Variants in AHI1 observed in about 807,000 individuals in gnomAD.
AHI1 encodes the protein Abelson helper integration site 1, also known as jouberin.
In AHI1, 123 loss-of-function variants were observed where a neutral mutation model predicts 149.3. The observed-to-expected ratio is 0.82, with a 90% CI of 0.71 to 0.96. The LOEUF is 0.96. Among genes scored for constraint, AHI1 ranks in the 40% least tolerant of loss-of-function variants. The pLI is 0.00. For synonymous variants in AHI1, 475 were observed against 459.8 expected (o/e 1.03, Z -0.42); for missense variants, 1,439 against 1,422.7 (o/e 1.01, Z -0.18).
chr6:135,428,781 C>A, intron 18 of AHI1, 22 bp from the exon 19 acceptor site: 1 of 1,581,308 alleles, frequency 6.3e-7, no homozygotes, highest in Non-Finnish European at 8.6e-7. Context: ...AAAGATTTTA[C>A]AAATGTAACT....
chr6:135,366,520 A>G (rs892794993), intron 23 of AHI1, among the ~76,000 whole-genome samples: 5 of 152,184 alleles, frequency 3.3e-5, no homozygotes, highest in Non-Finnish European at 1.5e-5. Flanking sequence ...CCAGAAGGAT[A>G]GTATATTTCC....
At chr6:135,416,633 T>C (rs771928148) in intron 20 of AHI1, among the ~76,000 whole-genome samples, 10 of 152,062 alleles carry the variant, frequency 6.6e-5, no homozygotes, top group Non-Finnish European at 1.3e-4. Context: ...TAAAACAATA[T>C]AGACAGTATA....
intron 5 of AHI1, among the ~76,000 whole-genome samples, chr6:135,471,352 A>G (rs933206830): frequency 6.6e-5 from 10 of 152,164 alleles, no homozygotes; most frequent in Non-Finnish European, 1.3e-4. Context: ...TTTCCAGAGT[A>G]TCTTCAGTAG....
chr6:135,314,480 T>C (rs1785651786), intron 26 of AHI1, among the ~76,000 whole-genome samples: 1 of 152,228 alleles, frequency 6.6e-6, no homozygotes, highest in Non-Finnish European at 1.5e-5. Context: ...ACAAGCATTT[T>C]CCTAAATTCT....
intron 20 of AHI1, among the ~76,000 whole-genome samples, chr6:135,420,853 C>G (rs994263999): frequency 6.6e-6 from 1 of 152,192 alleles, no homozygotes; most frequent in East Asian, 1.9e-4. Flanking sequence ...GCTAACTATA[C>G]GGCACAAAAG....
intron 26 of AHI1, among the ~76,000 whole-genome samples, chr6:135,309,273 C>T (rs573567514): frequency 6.6e-6 from 1 of 152,158 alleles, no homozygotes; most frequent in African/African-American, 2.4e-5. Flanking sequence ...TGTTACATCA[C>T]TGGGATACCA....
intron 7 of AHI1, among the ~76,000 whole-genome samples, chr6:135,463,747 CTT>C (rs1443933681): frequency 2.0e-5 from 3 of 151,990 alleles, no homozygotes; most frequent in African/African-American, 4.8e-5. Flanking sequence ...TTTGATTTCT[CTT>C]TTTTCTTTTC....
intron 26 of AHI1, among the ~76,000 whole-genome samples, chr6:135,310,256 A>G (rs1259873927): frequency 2.0e-5 from 2 of 100,110 alleles, no homozygotes; most frequent in South Asian, 2.8e-4. Flanking sequence ...AATTTTCTCT[A>G]TAAAGTGATA....
At chr6:135,335,883 T>C (rs1324492776) in intron 24 of AHI1, among the ~76,000 whole-genome samples, 1 of 151,910 alleles carries the variant, frequency 6.6e-6, no homozygotes, top group South Asian at 2.1e-4. Context: ...CCAACCTAGG[T>C]GGGTGGATCA....
chr6:135,466,046 C>T lies in AHI1; in HGVS notation c.517G>A (p.Ala173Thr), dbSNP rs146416468. ...TCAGTCTCTTCTCTTCCCTCATTTG[C>T]CTTCTCACTTTTCTGATGATCAACG... ...PGVDHQKSEKANEGREETDLE... is the reference protein window; with the variant it reads ...PGVDHQKSEKTNEGREETDLE... The change falls in exon 7 of 29, where the codon GCA (alanine) becomes ACA (threonine). Residue 173 changes from alanine to threonine, a missense_variant. Transcript: ENST00000265602. The T allele has an allele frequency of 3.0e-3, 4,800 of 1,613,882 alleles. 18 individuals carry two copies. The highest frequency in any genetic ancestry group is 9.9e-3 in the Middle Eastern group (60 of 6,062).
intron 23 of AHI1, among the ~76,000 whole-genome samples, chr6:135,372,220 C>T (rs1775166981): frequency 6.6e-6 from 1 of 152,104 alleles, no homozygotes; most frequent in African/African-American, 2.4e-5. Flanking sequence ...ATCAGTATAG[C>T]TGGGGCAATA....
chr6:135,314,600 G>T (rs542296608), intron 26 of AHI1, among the ~76,000 whole-genome samples: 1 of 152,154 alleles, frequency 6.6e-6, no homozygotes, highest in African/African-American at 2.4e-5. Context: ...TCCTTACATT[G>T]TTGTAGGCAA....
chr6:135,412,309 AT>A (rs1264972207), intron 20 of AHI1, among the ~76,000 whole-genome samples: 1 of 152,332 alleles, frequency 6.6e-6, no homozygotes, highest in Admixed American at 6.5e-5. Flanking sequence ...TGCAAAAACT[AT>A]GACATTTTAT....
rs1177021763 is a variant in AHI1 at position 135,394,769 on chromosome 6, G to T, written c.3109+7C>A. The T allele has an allele frequency of 6.2e-7, 1 of 1,610,008 alleles. No individual in the cohort carries two copies. The highest frequency in any genetic ancestry group is 8.5e-7 in the Non-Finnish European group (1 of 1,177,728). ...AAAAGAATTGTCAAAGTAAGAAAGG[G>T]GCTCACCGGTCTGAGTGAAACCAAA... On this transcript the variant is annotated splice_region_variant and intron_variant, in intron 23 of 28. Transcript: ENST00000265602.
chr6:135,371,977 T>C (rs1450888745), intron 23 of AHI1, among the ~76,000 whole-genome samples: 3 of 152,178 alleles, frequency 2.0e-5, no homozygotes, highest in Non-Finnish European at 4.4e-5. Flanking sequence ...TATCTGTAAG[T>C]TTAATGTTTG....
rs1192482161 is a variant in AHI1 at position 135,451,368 on chromosome 6, A to G, written c.1440+1973T>C. On this transcript the variant is annotated intron_variant, in intron 11 of 28. Coordinates refer to ENST00000265602, the MANE Select transcript of AHI1 (RefSeq NM_001134831.2). ...TCAATGATTAATTCCCTCAATATAT[A>G]TTCACCAAACACTTTCTATGTGACA... Among the ~76,000 whole-genome samples the G allele has an allele frequency of 9.2e-5, 14 of 152,268 alleles. No homozygotes were observed. In the East Asian group the frequency reaches 2.7e-3, roughly 29 times the overall value.
intron 21 of AHI1, among the ~76,000 whole-genome samples, chr6:135,409,514 C>T (rs912993172): frequency 7.2e-5 from 11 of 152,074 alleles, no homozygotes; most frequent in Admixed American, 3.9e-4. Context: ...TTTCAGTTAA[C>T]TCATAGTTAA....
intron 22 of AHI1, 75 bp downstream of exon 22, chr6:135,404,876 T>C (rs1489803201): frequency 2.2e-6 from 3 of 1,344,614 alleles, no homozygotes; most frequent in Non-Finnish European, 2.1e-6. Flanking sequence ...CCAAACTCTA[T>C]GAATGGTGCA....
rs370022839 is a variant in AHI1 at position 135,322,078 on chromosome 6, C to G, written c.3328+1084G>C. Among the ~76,000 whole-genome samples the G allele has an allele frequency of 7.2e-5, 11 of 152,356 alleles. No individual in the cohort carries two copies. The East Asian group carries it at 2.1e-3, about 29-fold the overall frequency. ...TCGGCCTCCCAAAGTGCTGGGATTA[C>G]AGGCGTGAGCCACAGTGCCTGGCCC... On this transcript the variant is annotated intron_variant, in intron 25 of 28. Transcript: ENST00000265602.
Sources: gnomAD v4.1 joint callset for allele counts (sites outside exome capture counted in the v4.1 genomes callset) on GRCh38, gnomAD v4.1.1 for gene constraint, MANE v1.5 for transcripts, NCBI Gene and HGNC (gene_info 2026-07-23, HGNC 2026-07-21) for gene names.